The following ADGB variants were observed in gnomAD, a reference collection of about 807,000 sequenced individuals.
The protein encoded by ADGB is androglobin, also known as calpain-7-like protein.
A neutral mutation model predicts 210.5 loss-of-function variants in ADGB; 172 were observed. The observed-to-expected ratio is 0.82, with a 90% CI of 0.72 to 0.93. The LOEUF is 0.93. ADGB is among the 40% of genes least tolerant of loss of function. ADGB has a pLI of 0.00. For missense variants in ADGB, 2,025 were observed against 1,964.8 expected, an observed-to-expected ratio of 1.03 and a Z score of -0.58; for synonymous variants, 658 against 662.7, an observed-to-expected ratio of 0.99 and a Z score of 0.11.
chr6:146,610,245 T>C (rs1194486524), intron 1 of ADGB, among the ~76,000 whole-genome samples: 1 of 152,228 alleles, frequency 6.6e-6, no homozygotes, highest in Non-Finnish European at 1.5e-5. Context: ...CGAATCATTT[T>C]ACTGGATTCC....
chr6:146,676,172 T>G (rs1464315858), intron 8 of ADGB, 141 bp from the exon 9 acceptor site: 3 of 690,146 alleles, frequency 4.3e-6, no homozygotes, highest in Non-Finnish European at 6.6e-6. Context: ...GAGGGGATCA[T>G]GTTTTGGAGA....
At chr6:146,729,115 A>T (rs1469839238) in intron 20 of ADGB, among the ~76,000 whole-genome samples, 1 of 152,088 alleles carries the variant, frequency 6.6e-6, no homozygotes, top group Admixed American at 6.6e-5. Context: ...ACTTCCTCAC[A>T]CTTACAACGT....
At chr6:146,722,433 A>C (rs374350060) in intron 17 of ADGB, among the ~76,000 whole-genome samples, 1 of 152,122 alleles carries the variant, frequency 6.6e-6, no homozygotes, top group South Asian at 2.1e-4. Flanking sequence ...TTCCTGGAAA[A>C]ACTTCACTAT....
chr6:146,756,513 T>TA (rs1309560990), intron 27 of ADGB, among the ~76,000 whole-genome samples: 3 of 152,106 alleles, frequency 2.0e-5, no homozygotes, highest in Admixed American at 1.3e-4. Flanking sequence ...TTATAGAATG[T>TA]AAAATATTAC....
At chr6:146,764,886 G>C (rs971520020) in intron 28 of ADGB, among the ~76,000 whole-genome samples, 1 of 151,996 alleles carries the variant, frequency 6.6e-6, no homozygotes, top group African/African-American at 2.4e-5. Flanking sequence ...TGCAACCTCT[G>C]CCTCCTGGGT....
chr6:146,750,433 CT>C (rs1562291865), intron 26 of ADGB, among the ~76,000 whole-genome samples: 1 of 152,030 alleles, frequency 6.6e-6, no homozygotes, highest in Non-Finnish European at 1.5e-5. Flanking sequence ...TGGTGCATAC[CT>C]GTAGTCCCAG....
chr6:146,730,025 A>C (rs1233735479), intron 20 of ADGB, among the ~76,000 whole-genome samples: 1 of 152,202 alleles, frequency 6.6e-6, no homozygotes, highest in Non-Finnish European at 1.5e-5. Flanking sequence ...CAGATTTAGC[A>C]AATACAAATA....
chr6:146,608,933 C>CG, intron 1 of ADGB, among the ~76,000 whole-genome samples: 1 of 152,104 alleles, frequency 6.6e-6, no homozygotes. Flanking sequence ...TTTAAATTTT[C>CG]TGCTTTGATG....
At position 146,672,338 on chromosome 6, in the gene ADGB, C is replaced by T; in HGVS notation, c.958C>T (p.Pro320Ser). ...AGTGTTAGATTCTAAATTAAAAGAA[C>T]CAGGGAAAGAAGGGAAGGAGGGAAA... Reference protein sequence around the residue: ...IAVLDSKLKEPGKEGKEGKEI... With the variant: ...IAVLDSKLKESGKEGKEGKEI... The change falls in exon 8 of 36, where the codon CCA becomes TCA. Residue 320 changes from proline (P) to serine (S), a missense_variant. Coordinates refer to ENST00000397944, the MANE Select transcript of ADGB (RefSeq NM_024694.4). 6.5e-7 allele frequency: 1 copy of T among 1,550,110 alleles called. No individual in the cohort carries two copies. The highest frequency in any genetic ancestry group is 1.2e-5 in the South Asian group (1 of 83,956).
chr6:146,679,103 A>G (rs1249062209), intron 9 of ADGB, among the ~76,000 whole-genome samples: 1 of 152,158 alleles, frequency 6.6e-6, no homozygotes, highest in African/African-American at 2.4e-5. Flanking sequence ...GTCTCATTCT[A>G]TTGAAGACAA....
At chr6:146,773,805 G>A (rs1562297631) in intron 29 of ADGB, among the ~76,000 whole-genome samples, 1 of 152,124 alleles carries the variant, frequency 6.6e-6, no homozygotes, top group Non-Finnish European at 1.5e-5. Flanking sequence ...TGGTGGTAGT[G>A]GTGATATTGA....
chr6:146,637,873 C>T (rs1775447617), intron 2 of ADGB, among the ~76,000 whole-genome samples: 1 of 151,992 alleles, frequency 6.6e-6, no homozygotes, highest in South Asian at 2.1e-4. Context: ...AGACACTCCT[C>T]CCCAACTCAT....
intron 25 of ADGB, 71 bp from the exon 26 acceptor site, chr6:146,745,851 T>A: frequency 8.3e-7 from 1 of 1,197,646 alleles, no homozygotes; most frequent in Non-Finnish European, 1.1e-6. Flanking sequence ...CATTTAGCAC[T>A]ATTAGATATT....
chr6:146,644,948 G>T, intron 3 of ADGB, 83 bp downstream of exon 3: 1 of 772,858 alleles, frequency 1.3e-6, no homozygotes, highest in Non-Finnish European at 1.9e-6. Flanking sequence ...TTTTTGTAAT[G>T]ATTTAGGGTA....
intron 1 of ADGB, among the ~76,000 whole-genome samples, chr6:146,632,230 T>C (rs1454563674): frequency 6.6e-6 from 1 of 152,184 alleles, no homozygotes; most frequent in African/African-American, 2.4e-5. Flanking sequence ...TCCACTTCCT[T>C]GCCTTTCCAG....
At chr6:146,682,042 T>G (rs539412878) in intron 9 of ADGB, among the ~76,000 whole-genome samples, 1 of 152,094 alleles carries the variant, frequency 6.6e-6, no homozygotes, top group Admixed American at 6.6e-5. Context: ...TAGCACAGAG[T>G]AGGCATTCAC....
intron 1 of ADGB, among the ~76,000 whole-genome samples, chr6:146,604,459 C>A (rs1283805347): frequency 1.3e-5 from 2 of 152,068 alleles, no homozygotes; most frequent in African/African-American, 2.4e-5. Flanking sequence ...TTTCCCCCAA[C>A]TTGAGATGTA....
intron 13 of ADGB, among the ~76,000 whole-genome samples, chr6:146,708,351 T>C (rs759769115): frequency 2.6e-5 from 4 of 152,114 alleles, no homozygotes; most frequent in Non-Finnish European, 1.5e-5. Flanking sequence ...CTGATTACCA[T>C]TCTTTTCTTT....
At chr6:146,706,239 G>GA (rs1562279219) in intron 13 of ADGB, among the ~76,000 whole-genome samples, 1 of 146,030 alleles carries the variant, frequency 6.8e-6, no homozygotes, top group Non-Finnish European at 1.5e-5. Flanking sequence ...ACAGTTTTTT[G>GA]TTTTTTTTTT....
Sources: gnomAD v4.1 joint callset for allele counts (sites outside exome capture counted in the v4.1 genomes callset) on GRCh38, gnomAD v4.1.1 for gene constraint, MANE v1.5 for transcripts, NCBI Gene and HGNC (gene_info 2026-07-23, HGNC 2026-07-21) for gene names.